Variants in VWCE observed in about 807,000 individuals in gnomAD.
The protein encoded by VWCE is von Willebrand factor C and EGF domain-containing protein.
Under a neutral mutation model 102.9 loss-of-function variants are expected in VWCE, and 68 were observed. The ratio of observed to expected loss-of-function variants is 0.66; its 90% confidence interval spans 0.54 to 0.81. The LOEUF is 0.81. VWCE is among the 30% of genes least tolerant of loss of function. VWCE has a pLI of 0.00. For synonymous variants in VWCE, 497 were observed against 515.4 expected, an observed-to-expected ratio of 0.96 and a Z score of 0.48; for missense variants, 1,137 against 1,263.6, an observed-to-expected ratio of 0.90 and a Z score of 1.52.
chr11:61,294,850 C>G lies in VWCE; in HGVS notation c.110+78G>C, dbSNP rs1164718946. On this transcript the variant is annotated intron_variant, in intron 1 of 19. Transcript: ENST00000335613. The surrounding 1 kb of genome is among the most constrained non-coding windows in gnomAD (Gnocchi z 6.3). ...CACGCGGCTGCCTGCGGCTCCTGAG[C>G]GCCCCTCCGCGCCTCTCGACTGCAC... 1 of 1,019,164 alleles carries G rather than the reference C, an allele frequency of 9.8e-7. No individual in the cohort carries two copies. The highest frequency in any genetic ancestry group is 1.7e-5 in the African/African-American group (1 of 59,400). 63.1% of individuals were successfully genotyped at this position (1,019,164 alleles called of 1,614,324 possible).
intron 13 of VWCE, 58 bp downstream of exon 13, chr11:61,273,141 C>T (rs767759434): frequency 1.4e-4 from 214 of 1,554,736 alleles, no homozygotes; most frequent in Non-Finnish European, 1.8e-4. Flanking sequence ...GCAGGTGAAG[C>T]TCAGCCTCTC....
intron 1 of VWCE, among the ~76,000 whole-genome samples, chr11:61,292,296 C>A (rs1417680218): frequency 6.6e-6 from 1 of 152,148 alleles, no homozygotes; most frequent in Non-Finnish European, 1.5e-5. Flanking sequence ...TCCCTTCACC[C>A]AGATCTCTGC....
chr11:61,261,147 G>A (rs1412311932), intron 19 of VWCE, among the ~76,000 whole-genome samples: 1 of 151,906 alleles, frequency 6.6e-6, no homozygotes, highest in Non-Finnish European at 1.5e-5. Context: ...TGGAAACCGG[G>A]AGGTGGAGGT....
At chr11:61,271,463 A>G in intron 14 of VWCE, 1 of 486,586 alleles carries the variant, frequency 2.1e-6, no homozygotes. Flanking sequence ...ACACTTCTTA[A>G]GGCCAACTGC....
At chr11:61,273,574 T>A in intron 12 of VWCE, 3 of 489,310 alleles carry the variant, frequency 6.1e-6, no homozygotes, top group Non-Finnish European at 1.1e-5. Context: ...GCCTTCACCA[T>A]CTCTCACCCT....
At chr11:61,290,675 C>T in intron 4 of VWCE, 124 bp downstream of exon 4, 1 of 1,133,924 alleles carries the variant, frequency 8.8e-7, no homozygotes, top group Non-Finnish European at 1.2e-6. Context: ...CACTCTCAAA[C>T]ATCAGAGCCT....
chr11:61,280,740 G>C, intron 8 of VWCE, 23 bp from the exon 9 acceptor site: 1 of 1,613,850 alleles, frequency 6.2e-7, no homozygotes, highest in Non-Finnish European at 8.5e-7. Flanking sequence ...GCAGGAGTTA[G>C]AGCCACCACA....
At chr11:61,284,455 G>C (rs1855247439) in intron 5 of VWCE, among the ~76,000 whole-genome samples, 1 of 152,168 alleles carries the variant, frequency 6.6e-6, no homozygotes, top group Non-Finnish European at 1.5e-5. Flanking sequence ...ATGGGGAGGG[G>C]CAAGGAGGGC....
intron 10 of VWCE, among the ~76,000 whole-genome samples, chr11:61,277,623 T>C (rs1011027980): frequency 6.6e-6 from 1 of 151,872 alleles, no homozygotes; most frequent in Non-Finnish European, 1.5e-5. Context: ...AAAATAAAGA[T>C]GGTCAGAGGG....
rs368085462 is a variant in VWCE, at chr11:61,290,737, G to T, written c.424+62C>A. On this transcript the variant is annotated intron_variant, in intron 4 of 19. Transcript: ENST00000335613. ...ACACTGGAGACCATCCTGGCAGGAG[G>T]GGGAGGAGATATAATTCCCGCTGTC... 1.9e-3 allele frequency: 2,969 copies of T among 1,541,934 alleles called. 76 individuals carry two copies. In the South Asian group the frequency reaches 0.033, roughly 17 times the overall value.
chr11:61,269,021 G>A lies in VWCE; in HGVS notation c.1786-3C>T, dbSNP rs747386560. 4 of 1,613,874 alleles carry A rather than the reference G, an allele frequency of 2.5e-6. No individual in the cohort carries two copies. Among genetic ancestry groups the A allele is most frequent in the Middle Eastern group, 1.7e-4 (1 of 6,054 alleles). ...TTGCAGCTCACCGAGCCATCTGCCT[G>A]GAGGAAGGAGGAACTTCACCAAGAC... On this transcript the variant is annotated splice_region_variant and splice_polypyrimidine_tract_variant and intron_variant, in intron 14 of 19. Transcript: ENST00000335613.
At chr11:61,290,708 C>A in intron 4 of VWCE, 91 bp downstream of exon 4, 1 of 1,455,372 alleles carries the variant, frequency 6.9e-7, no homozygotes, top group Non-Finnish European at 9.2e-7. Flanking sequence ...CTTAGCCTTG[C>A]AATACACTGG....
At position 61,280,593 on chromosome 11, in the gene VWCE, G is replaced by T. The variant is rs1240357355; in HGVS notation, c.1324+31C>A. 3 of 1,608,978 alleles carry T rather than the reference G, an allele frequency of 1.9e-6. No individual in the cohort carries two copies. The Admixed American group carries it at 5.0e-5, about 27-fold the overall frequency. ...AGGGTGCAGAGAAAGGAAGAGGCAG[G>T]ACTATGTCCTTCCCTGGCACCAGCT... is the stretch of plus-strand genomic sequence containing the variant. On this transcript the variant is annotated intron_variant, in intron 9 of 19. Transcript: ENST00000335613.
At chr11:61,291,637 A>G (rs953980996) in intron 1 of VWCE, 61 bp from the exon 2 acceptor site, 6 of 1,319,782 alleles carry the variant, frequency 4.5e-6, no homozygotes, top group South Asian at 3.7e-5. Context: ...GGTCAACAGG[A>G]AAGTCTCCCA....
Position 61,259,152 on chromosome 11 carries a change from A to C in VWCE, c.2391T>G (p.His797Gln). 6.2e-7 allele frequency: 1 copy of C among 1,614,106 alleles called. No homozygotes were observed. The highest frequency in any genetic ancestry group is 8.5e-7 in the Non-Finnish European group (1 of 1,180,004). The change falls in exon 20 of 20, where the codon CAT becomes CAG. Residue 797 changes from histidine (H) to glutamine (Q), a missense_variant. Physicochemically the swap from His to Gln is conservative, Grantham distance 24. This residue lies in a region of VWCE where 316 missense variants were observed against 319.3 expected (regional missense o/e 0.99). Transcript: ENST00000335613. ...PTASPSRPVL[H>Q]LLQLLLRTNL... ...TCGTTCTTAAAAGGAGCTGGAGGAG[A>C]TGAAGCACCGGCCTCGAGGGTGATG...
At chr11:61,274,701 C>T (rs1854850502) in intron 11 of VWCE, 117 bp from the exon 12 acceptor site, 1 of 753,700 alleles carries the variant, frequency 1.3e-6, no homozygotes, top group East Asian at 3.0e-5. Context: ...CAACACTCCA[C>T]AGCATGCTCC....
chr11:61,261,360 G>C (rs919331532), intron 19 of VWCE, among the ~76,000 whole-genome samples: 10 of 152,096 alleles, frequency 6.6e-5, no homozygotes, highest in African/African-American at 2.4e-4. Flanking sequence ...CTAAAAATAT[G>C]CTTAAAATGA....
chr11:61,295,099 G>C lies in VWCE; in HGVS notation c.-62C>G. 2 of 1,106,538 alleles carry C rather than the reference G, an allele frequency of 1.8e-6. No homozygotes were observed. Among genetic ancestry groups the C allele is most frequent in the Non-Finnish European group, 2.3e-6 (2 of 858,500 alleles). 68.5% of individuals were successfully genotyped at this position (1,106,538 alleles called of 1,614,324 possible). The stretch of plus-strand genomic sequence containing the variant: ...TCCTGCGCCGCGCGCGGGAGAGGGG[G>C]CTGCCGGCCCTCGCCCCTCCTCCTG... On this transcript the variant is annotated 5_prime_UTR_variant, in exon 1 of 20. Transcript: ENST00000335613. The surrounding 1 kb of genome is among the most constrained non-coding windows in gnomAD (Gnocchi z 4.6).
rs1854263116 is a variant in VWCE at position 61,258,825 on chromosome 11, G to A, written c.2718C>T (p.Pro906=). 1 of 1,511,048 alleles carries A rather than the reference G, an allele frequency of 6.6e-7. No individual in the cohort carries two copies. Among genetic ancestry groups the A allele is most frequent in the Non-Finnish European group, 8.8e-7 (1 of 1,131,778 alleles). 93.6% of individuals were successfully genotyped at this position (1,511,048 alleles called of 1,614,324 possible). Residue 906 remains proline, a synonymous_variant, in exon 20 of 20, where the codon CCC becomes CCT. Coordinates refer to ENST00000335613, the MANE Select transcript of VWCE (RefSeq NM_152718.2). ...GGGTGATGGGGGTCTTCGAGGGGCT[G>A]GGGTCCATCATGGAAAGTGCTGAAG... ...TEASALSMMD[P]SPSKTPITLL...
Sources: allele counts gnomAD v4.1 joint callset (sites outside exome capture counted in the v4.1 genomes callset), GRCh38; gene constraint gnomAD v4.1.1; regional missense constraint gnomAD v4.1.1; non-coding constraint Gnocchi (gnomAD v3.1); transcripts MANE v1.5; gene names NCBI Gene and HGNC (gene_info 2026-07-23, HGNC 2026-07-21).